The following CNKSR2 variants were observed in gnomAD, a reference collection of about 807,000 sequenced individuals.
CNKSR2 encodes the protein CNK homolog protein 2.
In CNKSR2, 14 loss-of-function variants were observed where a neutral mutation model predicts 84.4. The ratio of observed to expected loss-of-function variants is 0.17; its 90% CI spans 0.11 to 0.26. The LOEUF (loss-of-function observed/expected upper bound fraction) is 0.26. Ranked by LOEUF, CNKSR2 falls within the 10% of genes least tolerant of loss-of-function variation. CNKSR2 has a pLI of 1.00. For missense variants in CNKSR2, 485 were observed against 771.2 expected (o/e 0.63, Z 4.40); for synonymous variants, 275 against 277.9 (o/e 0.99, Z 0.10).
At chrX:21,392,053 C>T (rs1468405255) in intron 1 of CNKSR2, among the ~76,000 whole-genome samples, 1 of 111,988 alleles carries the variant, frequency 8.9e-6, no homozygotes, top group African/African-American at 3.2e-5. Context: ...ACCTTTACTG[C>T]AGTTCCCAAT....
chrX:21,409,419 C>T (rs1485349885), intron 1 of CNKSR2, among the ~76,000 whole-genome samples: 2 of 106,217 alleles, frequency 1.9e-5, no homozygotes, highest in Admixed American at 1.0e-4. Flanking sequence ...TTCCTATCCA[C>T]TTGTAAAATT....
At chrX:21,463,933 C>T (rs895889000) in intron 4 of CNKSR2, among the ~76,000 whole-genome samples, 5 of 111,673 alleles carry the variant, frequency 4.5e-5, no homozygotes, top group African/African-American at 9.8e-5. Context: ...GGGTTGATGC[C>T]GGTGCTCCCT....
intron 5 of CNKSR2, among the ~76,000 whole-genome samples, chrX:21,481,986 G>C (rs1041255681): frequency 1.8e-5 from 2 of 111,653 alleles, no homozygotes; most frequent in Admixed American, 9.5e-5. Context: ...TGTGAGACCG[G>C]GGACTGGTTC....
chrX:21,427,224 T>C (rs2090577332), intron 2 of CNKSR2: 1 of 112,261 alleles, frequency 8.9e-6, no homozygotes. Flanking sequence ...TAGTTCATTA[T>C]GTGATTGAGC....
At chrX:21,530,523 C>G (rs1432492619) in intron 10 of CNKSR2, among the ~76,000 whole-genome samples, 3 of 111,110 alleles carry the variant, frequency 2.7e-5, no homozygotes, top group East Asian at 5.7e-4. Context: ...AAAATTTGTT[C>G]TTTTTATCTG....
chrX:21,437,291 A>G (rs1182445428), intron 3 of CNKSR2, among the ~76,000 whole-genome samples: 1 of 111,420 alleles, frequency 9.0e-6, no homozygotes, highest in African/African-American at 3.3e-5. Flanking sequence ...AAGATTTTAT[A>G]AACAGACTCT....
chrX:21,584,084 A>G (rs1476086732), intron 13 of CNKSR2, among the ~76,000 whole-genome samples: 2 of 112,395 alleles, frequency 1.8e-5, no homozygotes, highest in East Asian at 5.5e-4. Flanking sequence ...CTTTTGACAC[A>G]GATTTAATGT....
In CNKSR2 at chrX:21,591,143, A is replaced by G; in HGVS notation, c.1779A>G (p.Lys593=). ...GTTACTTTTCACAGAAATGGAAAAA[A>G]TATTGGTTTGTCCTAAAGGATGCAT... The part of the protein sequence containing the change: ...AKSYFSQKWK[K]YWFVLKDASL... Residue 593 remains lysine, a synonymous_variant, in exon 15 of 22, where the codon AAA becomes AAG. Transcript: ENST00000379510. 8.3e-7 allele frequency: 1 copy of G among 1,208,977 alleles called. No individual in the cohort carries two copies. The highest frequency in any genetic ancestry group is 1.1e-6 in the Non-Finnish European group (1 of 893,349).
chrX:21,620,211 C>CT (rs1237377107), intron 20 of CNKSR2, among the ~76,000 whole-genome samples: 1 of 110,453 alleles, frequency 9.1e-6, no homozygotes, highest in Non-Finnish European at 1.9e-5. Context: ...TTTTAAGCAT[C>CT]TTTTTTTAAT....
intron 1 of CNKSR2, among the ~76,000 whole-genome samples, chrX:21,408,803 A>G (rs916296080): frequency 6.3e-5 from 7 of 110,352 alleles, no homozygotes; most frequent in African/African-American, 2.3e-4. Context: ...ATGTCCATAT[A>G]TTTTTGTCCT....
intron 4 of CNKSR2, among the ~76,000 whole-genome samples, chrX:21,442,666 T>C (rs2090799755): frequency 8.9e-6 from 1 of 111,793 alleles, no homozygotes; most frequent in Admixed American, 9.5e-5. Flanking sequence ...TCGCCATCTG[T>C]AAACAGAAAT....
intron 11 of CNKSR2, among the ~76,000 whole-genome samples, chrX:21,559,096 C>A (rs2092164588): frequency 9.0e-6 from 1 of 110,980 alleles, no homozygotes; most frequent in Non-Finnish European, 1.9e-5. Flanking sequence ...TTCCCTCAAA[C>A]CTTTACCCTA....
Position 21,471,039 on chromosome X carries a change from G to A in CNKSR2, c.561+232G>A, listed in dbSNP as rs138833111. Among the ~76,000 whole-genome samples the A allele has an allele frequency of 9.7e-3, 1,075 of 111,112 alleles. 12 individuals are homozygous for A. The highest frequency in any genetic ancestry group is 0.032 in the African/African-American group (976 of 30,659). On this transcript the variant is annotated intron_variant, in intron 5 of 21. Transcript: ENST00000379510. ...TAAAATTGTAATGTGTAGCAAGGTT[G>A]GAATATAATAAAAAATTAATAATGT...
chrX:21,393,613 C>G (rs2090081050), intron 1 of CNKSR2, among the ~76,000 whole-genome samples: 1 of 112,100 alleles, frequency 8.9e-6, no homozygotes, highest in Admixed American at 9.5e-5. Flanking sequence ...GTAATACAGT[C>G]TTATAATAAT....
At chrX:21,459,078 A>G (rs1338265553) in intron 4 of CNKSR2, among the ~76,000 whole-genome samples, 1 of 93,380 alleles carries the variant, frequency 1.1e-5, no homozygotes, top group Non-Finnish European at 2.0e-5. Context: ...GCTGGAGTGC[A>G]GTGTCACAAT....
chrX:21,522,507 G>A (rs2091794343), intron 9 of CNKSR2, among the ~76,000 whole-genome samples: 1 of 111,058 alleles, frequency 9.0e-6, no homozygotes, highest in Admixed American at 9.6e-5. Flanking sequence ...ATTAAGATAT[G>A]CTTGCCCAGA....
intron 20 of CNKSR2, among the ~76,000 whole-genome samples, chrX:21,637,903 T>C (rs920319064): frequency 9.0e-6 from 1 of 111,662 alleles, no homozygotes; most frequent in African/African-American, 3.2e-5. Flanking sequence ...TTACTCTTGA[T>C]AGACTTGAAT....
intron 1 of CNKSR2, among the ~76,000 whole-genome samples, chrX:21,397,125 G>T (rs1021472461): frequency 4.5e-5 from 5 of 110,963 alleles, no homozygotes; most frequent in Non-Finnish European, 9.5e-5. Context: ...ATCTCTGTGG[G>T]CTATGACTCA....
intron 14 of CNKSR2, 158 bp from the exon 15 acceptor site, chrX:21,590,864 T>C (rs2092416486): frequency 4.1e-6 from 2 of 484,891 alleles, no homozygotes. Flanking sequence ...GTGTCACTTA[T>C]GTGAGGGAAA....
Sources: allele counts gnomAD v4.1 joint callset (sites outside exome capture counted in the v4.1 genomes callset), GRCh38; gene constraint gnomAD v4.1.1; transcripts MANE v1.5; gene names NCBI Gene and HGNC (gene_info 2026-07-23, HGNC 2026-07-21).